The following CDC14B variants were observed in gnomAD, a reference collection of about 807,000 sequenced individuals.
The protein encoded by CDC14B is cell division cycle 14B.
CDC14B carries 22 observed loss-of-function variants against 64.2 expected under a neutral mutation model. That is an observed-to-expected ratio of 0.34 (90% CI 0.24 to 0.49). The LOEUF is 0.49. CDC14B is among the 20% of genes least tolerant of loss of function. The pLI, the probability that CDC14B is intolerant of heterozygous loss-of-function variation, is 0.99. For synonymous variants in CDC14B, 191 were observed against 215.8 expected (o/e 0.89, Z 1.01); for missense variants, 498 against 629.9 (o/e 0.79, Z 2.24).
chr9:96,599,516 CAA>C (rs1846293052), intron 1 of CDC14B, among the ~76,000 whole-genome samples: 1 of 152,154 alleles, frequency 6.6e-6, no homozygotes, highest in Non-Finnish European at 1.5e-5. Flanking sequence ...TCTCTCAATT[CAA>C]AGAGAATCTG....
At chr9:96,539,659 A>C (rs1839771512) in intron 6 of CDC14B, among the ~76,000 whole-genome samples, 1 of 152,244 alleles carries the variant, frequency 6.6e-6, no homozygotes, top group African/African-American at 2.4e-5. Flanking sequence ...TGTTCCCTAA[A>C]GTAAACAGCT....
intron 12 of CDC14B, among the ~76,000 whole-genome samples, chr9:96,517,585 A>G (rs1284660510): frequency 1.5e-5 from 2 of 135,428 alleles, no homozygotes; most frequent in African/African-American, 2.7e-5. Flanking sequence ...TGGAGCTTGC[A>G]GTGAGCCAAG....
chr9:96,533,952 C>A lies in CDC14B; in HGVS notation c.921G>T (p.Glu307Asp). ...CTTTGCAATGTACTGCAATGGCACC[C>A]TCAGCATTTTCACAGATATCTAGGA... ...KEFLDICENA[E>D]GAIAVHCKAG... Residue 307 changes from glutamate to aspartate, a missense_variant, in exon 9 of 14, where the codon GAG becomes GAT. Physicochemically the swap from Glu to Asp is conservative, Grantham distance 45. Transcript: ENST00000375241. 6.2e-7 allele frequency: 1 copy of A among 1,612,186 alleles called. No individual in the cohort carries two copies. Among genetic ancestry groups the A allele is most frequent in the Admixed American group, 1.7e-5 (1 of 59,832 alleles).
Position 96,592,049 on chromosome 9 carries a change from T to G in CDC14B, c.161-26566A>C, listed in dbSNP as rs569004786. Among the ~76,000 whole-genome samples, 3 of 152,066 alleles carry G rather than the reference T, an allele frequency of 2.0e-5. No individual in the cohort carries two copies. In the South Asian group the frequency reaches 6.2e-4, roughly 32 times the overall value. The stretch of plus-strand genomic sequence containing the variant: ...CATGAGCCACAGCGCCCGGCCTGTC[T>G]TTAATTTCTTTCAGCAATGTAAAAC... On this transcript the variant is annotated intron_variant, in intron 1 of 13. Transcript: ENST00000375241.
rs1833730050 is a variant in CDC14B, at chr9:96,503,476, G to GT, written c.*276dup. 2.2e-6 allele frequency: 1 copy of GT among 454,322 alleles called. No homozygotes were observed. The allele number at this position is 454,322 out of a possible 1,614,324, so 28.1% of individuals were successfully genotyped here. A position where few individuals can be genotyped will look rare whatever the true frequency, so the allele number is the denominator to read the frequency against. On this transcript the variant is annotated 3_prime_UTR_variant, in exon 14 of 14. Transcript: ENST00000375241. ...CACCACAGACCAGCCAGCTCCCTGG[G>GT]TACCAGAGGGCTTGGGTATTTACAC...
At chr9:96,561,353 C>T (rs541787236) in intron 4 of CDC14B, among the ~76,000 whole-genome samples, 1 of 152,264 alleles carries the variant, frequency 6.6e-6, no homozygotes, top group African/African-American at 2.4e-5. Flanking sequence ...TTGGACTAGT[C>T]TTTGTAAATT....
At position 96,501,647 on chromosome 9, in the gene CDC14B, C is replaced by G. The variant is rs1260909531; in HGVS notation, c.*2106G>C. The G allele has an allele frequency of 2.0e-5, 3 of 152,532 alleles. No homozygotes were observed. The highest frequency in any genetic ancestry group is 4.4e-5 in the Non-Finnish European group (3 of 68,044). 9.4% of individuals were successfully genotyped at this position (152,532 alleles called of 1,614,324 possible). A position where few individuals can be genotyped will look rare whatever the true frequency, so the allele number is the denominator to read the frequency against. ...TTTTCTATGACTAATTTCAGTGAAC[C>G]AGTTAAATAGAAAGATTTTTAGAAA... On this transcript the variant is annotated 3_prime_UTR_variant, in exon 14 of 14. Transcript: ENST00000375241.
At chr9:96,523,485 C>T in intron 10 of CDC14B, 65 bp from the exon 11 acceptor site, 1 of 1,601,704 alleles carries the variant, frequency 6.2e-7, no homozygotes, top group African/African-American at 1.3e-5. Flanking sequence ...CTTCTTCCTA[C>T]CAGATTATCT....
At chr9:96,520,113 T>G (rs1836452531) in intron 12 of CDC14B, among the ~76,000 whole-genome samples, 1 of 152,154 alleles carries the variant, frequency 6.6e-6, no homozygotes, top group South Asian at 2.1e-4. Flanking sequence ...GAGACGGGGA[T>G]AAGCAAAATG....
chr9:96,564,289 A>G (rs941239380), intron 3 of CDC14B, among the ~76,000 whole-genome samples: 5 of 152,150 alleles, frequency 3.3e-5, no homozygotes, highest in Non-Finnish European at 5.9e-5. Flanking sequence ...TTTGCCCTAG[A>G]TTCTCACGCC....
chr9:96,537,177 G>A (rs912049872), intron 7 of CDC14B, among the ~76,000 whole-genome samples: 4 of 152,024 alleles, frequency 2.6e-5, no homozygotes, highest in African/African-American at 4.8e-5. Context: ...TGTAGTCCCC[G>A]TTACTGGGAG....
At chr9:96,499,039 G>A (rs1248888690), downstream of CDC14B, among the ~76,000 whole-genome samples, 1 of 152,224 alleles carries the variant, frequency 6.6e-6, no homozygotes, top group South Asian at 2.1e-4. Flanking sequence ...GCAGCACTCA[G>A]GGACTTCACG....
At chr9:96,615,197 T>C (rs6477572) in intron 1 of CDC14B, among the ~76,000 whole-genome samples, 101,487 of 151,990 alleles carry the variant, frequency 0.67, 36,335 homozygotes, top group East Asian at 0.95. Context: ...ACTAGCAGTA[T>C]AGTTCAAGTA....
chr9:96,570,991 AG>A (rs1844432053), intron 1 of CDC14B, among the ~76,000 whole-genome samples: 2 of 152,222 alleles, frequency 1.3e-5, no homozygotes, highest in African/African-American at 4.8e-5. Flanking sequence ...CTGGACCCAG[AG>A]ATATATGAAC....
chr9:96,581,218 G>C (rs1845129142), intron 1 of CDC14B, among the ~76,000 whole-genome samples: 1 of 151,184 alleles, frequency 6.6e-6, no homozygotes, highest in African/African-American at 2.4e-5. Flanking sequence ...CAATAAGAGG[G>C]AGACTCTGTC....
At chr9:96,592,924 A>G (rs1056428227) in intron 1 of CDC14B, among the ~76,000 whole-genome samples, 1 of 152,196 alleles carries the variant, frequency 6.6e-6, no homozygotes, top group Admixed American at 6.5e-5. Flanking sequence ...GTATTCATCT[A>G]CAATGTAAAT....
At chr9:96,617,135 G>C (rs879531800) in intron 1 of CDC14B, among the ~76,000 whole-genome samples, 23 of 151,100 alleles carry the variant, frequency 1.5e-4, no homozygotes, top group Non-Finnish European at 2.4e-4. Flanking sequence ...GCAGCAGCAA[G>C]ATTTATTGTG....
intron 1 of CDC14B, among the ~76,000 whole-genome samples, chr9:96,606,709 G>A (rs954673171): frequency 6.6e-6 from 1 of 152,048 alleles, no homozygotes; most frequent in Non-Finnish European, 1.5e-5. Flanking sequence ...TGGGATTACA[G>A]GCACACGCCA....
intron 1 of CDC14B, among the ~76,000 whole-genome samples, chr9:96,603,155 G>GACACACACACAC (rs5899295): frequency 1.5e-3 from 214 of 138,142 alleles, no homozygotes; most frequent in South Asian, 5.7e-3. Flanking sequence ...GATAGAAACG[G>GACACACACACAC]ACACACACAC....
Sources: allele counts gnomAD v4.1 joint callset (sites outside exome capture counted in the v4.1 genomes callset), GRCh38; gene constraint gnomAD v4.1.1; transcripts MANE v1.5; gene names NCBI Gene and HGNC (gene_info 2026-07-23, HGNC 2026-07-21).